Variants in IFNA4 observed in about 807,000 individuals in gnomAD.
The protein encoded by IFNA4 is interferon alpha-4.
For missense variants in IFNA4, 225 were observed against 214.9 expected (o/e 1.05, Z -0.29); for synonymous variants, 84 against 86.0 (o/e 0.98, Z 0.13).
At chr9:21,186,887 T>C in exon 1 of IFNA4, 1 of 1,588,110 alleles carries the variant, frequency 6.3e-7, no homozygotes, top group Non-Finnish European at 8.5e-7. Flanking sequence ...AAGTGAGTCT[T>C]TGAAATGGAA....
chr9:21,186,803 C>A lies in IFNA4; in HGVS notation c.*159G>T, dbSNP rs1203554691. On this transcript the variant is annotated 3_prime_UTR_variant, in exon 1 of 1. Coordinates refer to ENST00000421715, the Ensembl canonical transcript of IFNA4. ...GTCATCTGTAAAGGACTAGTGCCTGCACAGGTATACACCAAGCTTCTTCAC... is the reference window on the plus strand; with the variant it reads ...GTCATCTGTAAAGGACTAGTGCCTGAACAGGTATACACCAAGCTTCTTCAC... 5 of 1,103,706 alleles carry A rather than the reference C, an allele frequency of 4.5e-6. No homozygotes were observed. The Middle Eastern group carries it at 1.3e-3, about 276-fold the overall frequency. The allele number at this position is 1,103,706 out of a possible 1,614,324, so 68.4% of individuals were successfully genotyped here. A position where few individuals can be genotyped will look rare whatever the true frequency, so the allele number is the denominator to read the frequency against.
At chr9:21,187,574 C>T (rs1817929655) in exon 1 of IFNA4, 2 of 1,558,016 alleles carry the variant, frequency 1.3e-6, no homozygotes, top group African/African-American at 1.4e-5. Context: ...GATGGATAAC[C>T]TTGAACTTCG....
exon 1 of IFNA4, chr9:21,187,121 C>T (rs1286265535): frequency 1.9e-6 from 3 of 1,614,018 alleles, no homozygotes; most frequent in African/African-American, 2.7e-5. Flanking sequence ...GGATGGAGTC[C>T]TCATTCATCA....
At chr9:21,186,973 T>A (rs1415081758) in exon 1 of IFNA4, 1 of 1,614,084 alleles carries the variant, frequency 6.2e-7, no homozygotes, top group Non-Finnish European at 8.5e-7. Flanking sequence ...CAATCCTTCC[T>A]CCTTAATCTT....
Position 21,187,345 on chromosome 9 carries a change from C to T in IFNA4, c.187G>A (p.Glu63Lys), listed in dbSNP as rs142712065. ...AACTGGTGGCCATCAAACTCCTCCT[C>T]GGGGAATCCGAAATCATGTCTGTCC... Residue 63 changes from glutamate to lysine, a missense_variant, in exon 1 of 1, where the codon GAG becomes AAG. Physicochemically the swap from Glu to Lys is moderately conservative, Grantham distance 56. Coordinates refer to ENST00000421715, the Ensembl canonical transcript of IFNA4. 403 of 1,613,898 alleles carry T rather than the reference C, an allele frequency of 2.5e-4. 1 individual carries two copies. In the Middle Eastern group the frequency reaches 3.5e-3, roughly 14 times the overall value.
chr9:21,187,527 G>A (rs759302352), exon 1 of IFNA4: 2 of 1,599,880 alleles, frequency 1.3e-6, no homozygotes, highest in South Asian at 1.1e-5. Flanking sequence ...AAAGGACAGG[G>A]CCATTGGGAT....
At position 21,187,555 on chromosome 9, in the gene IFNA4, G is replaced by A. The variant is rs755336981; in HGVS notation, c.-24C>T. The stretch of plus-strand genomic sequence containing the variant: ...ATTGGGATGTTGCAAATATTGCTAG[G>A]CTACTTGAGATGGATAACCTTGAAC... On this transcript the variant is annotated 5_prime_UTR_variant, in exon 1 of 1. Transcript: ENST00000421715. The A allele has an allele frequency of 5.0e-6, 8 of 1,587,842 alleles. No homozygotes were observed. In the African/African-American group the frequency reaches 6.8e-5, roughly 13 times the overall value.
exon 1 of IFNA4, chr9:21,187,066 C>T (rs912620310): frequency 2.5e-6 from 4 of 1,614,058 alleles, no homozygotes; most frequent in East Asian, 4.5e-5. Flanking sequence ...TATTTCTTCT[C>T]TGTTAGATAA....
exon 1 of IFNA4, chr9:21,187,067 T>C (rs555251826): frequency 5.6e-6 from 9 of 1,614,086 alleles, no homozygotes; most frequent in South Asian, 3.3e-5. Flanking sequence ...ATTTCTTCTC[T>C]GTTAGATAAA....
chr9:21,186,835 G>C, exon 1 of IFNA4: 1 of 1,500,200 alleles, frequency 6.7e-7, no homozygotes, highest in East Asian at 2.3e-5. Context: ...TCACACTGCT[G>C]AAAACATTTG....
exon 1 of IFNA4, chr9:21,186,932 A>G (rs3750479): frequency 0.18 from 294,075 of 1,612,506 alleles, 29,893 homozygotes; most frequent in East Asian, 0.42. Flanking sequence ...GTATTAGTCA[A>G]TCAGGATCAT....
chr9:21,186,890 A>G (rs1362784856), exon 1 of IFNA4: 1 of 1,587,772 alleles, frequency 6.3e-7, no homozygotes, highest in African/African-American at 1.4e-5. Context: ...TGAGTCTTTG[A>G]AATGGAAGAA....
At chr9:21,187,352 TC>T in the IFNA4 span, 1 of 1,614,022 alleles carries the variant, frequency 6.2e-7, no homozygotes, top group African/African-American at 1.3e-5. Context: ...CCTCGGGGAA[TC>T]CGAAATCATG....
At chr9:21,186,829 A>G in exon 1 of IFNA4, 1 of 1,454,384 alleles carries the variant, frequency 6.9e-7, no homozygotes, top group African/African-American at 1.4e-5. Context: ...GCTTCTTCAC[A>G]CTGCTGAAAA....
exon 1 of IFNA4, chr9:21,187,332 T>C (rs1231947394): frequency 6.2e-7 from 1 of 1,614,072 alleles, no homozygotes; most frequent in Non-Finnish European, 8.5e-7. Context: ...CTGGTGGCCA[T>C]CAAACTCCTC....
exon 1 of IFNA4, chr9:21,186,977 T>C (rs754639883): frequency 6.2e-7 from 1 of 1,614,114 alleles, no homozygotes; most frequent in South Asian, 1.1e-5. Flanking sequence ...CCTTCCTCCT[T>C]AATCTTTTTT....
rs113398345 is a variant in IFNA4, at chr9:21,186,777, T to C, written c.*185A>G. 4.5e-6 allele frequency: 3 copies of C among 670,140 alleles called. No homozygotes were observed. In the Admixed American group the frequency reaches 1.0e-4, roughly 23 times the overall value. The allele number at this position is 670,140 out of a possible 1,614,324, so 41.5% of individuals were successfully genotyped here. A position where few individuals can be genotyped will look rare whatever the true frequency, so the allele number is the denominator to read the frequency against. ...AATAGATGAACAGAGACATCAGCAT[T>C]GTCATCTGTAAAGGACTAGTGCCTG... On this transcript the variant is annotated 3_prime_UTR_variant, in exon 1 of 1. Transcript: ENST00000421715.
chr9:21,187,035 A>G (rs1451193376), exon 1 of IFNA4: 8 of 1,613,948 alleles, frequency 5.0e-6, no homozygotes, highest in South Asian at 2.2e-5. Flanking sequence ...TGCTCTGACA[A>G]CCTCCCAGGC....
rs746244080 is a variant in IFNA4, at chr9:21,187,360, C to A, written c.172G>T (p.Asp58Tyr). The A allele has an allele frequency of 3.7e-6, 6 of 1,614,060 alleles. No homozygotes were observed. The South Asian group carries it at 5.5e-5, about 15-fold the overall frequency. Residue 58 changes from aspartate to tyrosine, a missense_variant, in exon 1 of 1, where the codon GAT becomes TAT. Coordinates refer to ENST00000421715, the Ensembl canonical transcript of IFNA4. ...AACTCCTCCTCGGGGAATCCGAAAT[C>A]ATGTCTGTCCTTCAGGCAGGAGAAA...
Sources: gnomAD v4.1 joint callset for allele counts on GRCh38, gnomAD v4.1.1 for gene constraint, MANE v1.5 for transcripts, NCBI Gene and HGNC (gene_info 2026-07-23, HGNC 2026-07-21) for gene names.